SAP30BP: variants seen among roughly 807,000 people sequenced by gnomAD.
The protein encoded by SAP30BP is SAP30-binding protein.
In SAP30BP, 31 loss-of-function variants were observed where a neutral mutation model predicts 46.3. The ratio of observed to expected loss-of-function variants is 0.67; its 90% CI spans 0.50 to 0.90. The LOEUF (loss-of-function observed/expected upper bound fraction) is 0.90. Among genes scored for constraint, SAP30BP ranks in the 40% least tolerant of loss-of-function variants. SAP30BP has a pLI of 0.00. For synonymous variants in SAP30BP, 169 were observed against 144.2 expected (o/e 1.17, Z -1.23); for missense variants, 312 against 391.0 (o/e 0.80, Z 1.70).
At chr17:75,687,330 G>A (rs751607446) in intron 3 of SAP30BP, among the ~76,000 whole-genome samples, 25 of 152,160 alleles carry the variant, frequency 1.6e-4, no homozygotes, top group Non-Finnish European at 2.9e-4. Flanking sequence ...GAAAGAGGAT[G>A]CAGGGCCAGA....
At chr17:75,668,348 CAGAG>C (rs937770871) in intron 1 of SAP30BP, among the ~76,000 whole-genome samples, 164 bp from the exon 2 acceptor site, 2 of 152,184 alleles carry the variant, frequency 1.3e-5, no homozygotes, top group African/African-American at 4.8e-5. Flanking sequence ...CTGGCCTTCT[CAGAG>C]AGCCGAATCT....
intron 4 of SAP30BP, among the ~76,000 whole-genome samples, chr17:75,699,042 A>G (rs1342798151): frequency 6.6e-6 from 1 of 152,128 alleles, no homozygotes; most frequent in East Asian, 1.9e-4. Context: ...AACTTTTAAG[A>G]TTAGTCAGGC....
At chr17:75,676,019 T>C (rs1280877087) in intron 3 of SAP30BP, among the ~76,000 whole-genome samples, 1 of 152,272 alleles carries the variant, frequency 6.6e-6, no homozygotes, top group Non-Finnish European at 1.5e-5. Context: ...GTCACCACTT[T>C]ACAAATCTCT....
At chr17:75,678,616 G>A (rs1240195586) in intron 3 of SAP30BP, among the ~76,000 whole-genome samples, 3 of 152,140 alleles carry the variant, frequency 2.0e-5, no homozygotes, top group Admixed American at 1.3e-4. Context: ...ATCACTTCCA[G>A]TTCCACCTGT....
intron 4 of SAP30BP, among the ~76,000 whole-genome samples, 164 bp from the exon 5 acceptor site, chr17:75,699,619 A>G (rs2060376341): frequency 6.6e-6 from 1 of 151,944 alleles, no homozygotes; most frequent in Non-Finnish European, 1.5e-5. Context: ...ATTCAGTCTC[A>G]GCTCAGATGA....
At chr17:75,701,651 G>C (rs1447749184) in intron 5 of SAP30BP, among the ~76,000 whole-genome samples, 1 of 152,170 alleles carries the variant, frequency 6.6e-6, no homozygotes, top group Non-Finnish European at 1.5e-5. Flanking sequence ...ATTCTAAAAA[G>C]TTTGCAAGAC....
intron 4 of SAP30BP, among the ~76,000 whole-genome samples, chr17:75,698,380 G>A (rs1290414765): frequency 6.6e-6 from 1 of 152,206 alleles, no homozygotes; most frequent in Non-Finnish European, 1.5e-5. Context: ...TTTACTTTGG[G>A]ACCCAAAACT....
intron 2 of SAP30BP, among the ~76,000 whole-genome samples, chr17:75,668,939 G>T (rs1599083535): frequency 6.6e-6 from 1 of 152,044 alleles, no homozygotes; most frequent in Non-Finnish European, 1.5e-5. Context: ...TTTATAGCAG[G>T]CATTCATCCT....
At chr17:75,692,389 G>A in intron 3 of SAP30BP, 1 of 985,466 alleles carries the variant, frequency 1.0e-6, no homozygotes, top group South Asian at 4.7e-5. Context: ...CTCATCAGCA[G>A]GAAAAGACAT....
chr17:75,704,752 A>G lies in SAP30BP; in HGVS notation c.602-4A>G, dbSNP rs778902039. On this transcript the variant is annotated splice_region_variant and splice_polypyrimidine_tract_variant and intron_variant, in intron 8 of 10. Coordinates refer to ENST00000584667, the MANE Select transcript of SAP30BP (RefSeq NM_013260.8). ...CTTTGTAACAGCTTCTCTTGTCTTC[A>G]TAGCCAAGGCCCAGAAAATTGAGAT... 2.2e-5 allele frequency: 36 copies of G among 1,613,136 alleles called. No individual in the cohort carries two copies. In the Admixed American group the frequency reaches 4.7e-4, roughly 21 times the overall value.
intron 3 of SAP30BP, among the ~76,000 whole-genome samples, chr17:75,687,925 T>TGTGG (rs2060182876): frequency 1.1e-5 from 1 of 92,988 alleles, no homozygotes. Flanking sequence ...GGGGTGTGTG[T>TGTGG]GTGTGTGTGT....
intron 3 of SAP30BP, among the ~76,000 whole-genome samples, chr17:75,680,341 TTAAAATTC>T (rs1303024521): frequency 6.6e-6 from 1 of 152,200 alleles, no homozygotes; most frequent in Non-Finnish European, 1.5e-5. Context: ...GAAGACATTT[TTAAAATTC>T]TAAGATCCCT....
chr17:75,698,184 C>A (rs998416692), intron 4 of SAP30BP, among the ~76,000 whole-genome samples: 1 of 152,232 alleles, frequency 6.6e-6, no homozygotes, highest in African/African-American at 2.4e-5. Context: ...CTGGAGAGAG[C>A]AAGGCCTGCC....
chr17:75,668,609 A>G lies in SAP30BP; in HGVS notation c.200A>G (p.Glu67Gly). ...GATGGTTATGAAGAAGAAGAAGATGAGAACAGTAGACAGTCGGTAGGTAAA... is the reference window on the plus strand; with the variant it reads ...GATGGTTATGAAGAAGAAGAAGATGGGAACAGTAGACAGTCGGTAGGTAAA... ...DEDGYEEEED[E>G]NSRQSEDDDS... The change falls in exon 2 of 11, where the codon GAG becomes GGG. Residue 67 changes from glutamate to glycine, a missense_variant. Physicochemically the swap from Glu to Gly is moderately conservative, Grantham distance 98 (BLOSUM62 -2). Coordinates refer to ENST00000584667, the MANE Select transcript of SAP30BP (RefSeq NM_013260.8). The G allele has an allele frequency of 6.3e-7, 1 of 1,596,230 alleles. No individual in the cohort carries two copies. Among genetic ancestry groups the G allele is most frequent in the African/African-American group, 1.4e-5 (1 of 73,992 alleles).
intron 2 of SAP30BP, among the ~76,000 whole-genome samples, chr17:75,670,828 A>G (rs1003547343): frequency 3.3e-5 from 5 of 152,208 alleles, no homozygotes; most frequent in African/African-American, 1.2e-4. Context: ...TGGTATTTAT[A>G]TTAATATATG....
rs192193724 is a variant in SAP30BP, at chr17:75,671,638, G to C, written c.217-178G>C. On this transcript the variant is annotated intron_variant, in intron 2 of 10. Coordinates refer to ENST00000584667, the MANE Select transcript of SAP30BP (RefSeq NM_013260.8). Reference sequence around the variant, plus strand: ...TTGTTTTTTGTTTTTTTCCCCTCCAGAATATCTCTTTTTCCCCTTATTTTT... The same window carrying C: ...TTGTTTTTTGTTTTTTTCCCCTCCACAATATCTCTTTTTCCCCTTATTTTT... 5.7e-4 allele frequency among the ~76,000 whole-genome samples: 86 copies of C among 151,974 alleles called. No individual in the cohort carries two copies. The highest frequency in any genetic ancestry group is 1.1e-3 in the Non-Finnish European group (76 of 67,956).
At chr17:75,667,765 C>T (rs560464707) in intron 1 of SAP30BP, among the ~76,000 whole-genome samples, 1 of 152,222 alleles carries the variant, frequency 6.6e-6, no homozygotes, top group African/African-American at 2.4e-5. Flanking sequence ...CAGCCACTGC[C>T]TGTTTCCCCT....
At chr17:75,684,968 A>G (rs764614717) in intron 3 of SAP30BP, among the ~76,000 whole-genome samples, 10 of 152,298 alleles carry the variant, frequency 6.6e-5, no homozygotes, top group Admixed American at 2.6e-4. Flanking sequence ...GCAAAGGGGA[A>G]CAATGACCAT....
intron 5 of SAP30BP, among the ~76,000 whole-genome samples, chr17:75,700,583 G>A (rs2060393506): frequency 6.6e-6 from 1 of 152,180 alleles, no homozygotes; most frequent in African/African-American, 2.4e-5. Flanking sequence ...CCGTGACACC[G>A]CCCTAACGGA....
Sources: allele counts gnomAD v4.1 joint callset (sites outside exome capture counted in the v4.1 genomes callset), GRCh38; gene constraint gnomAD v4.1.1; transcripts MANE v1.5; gene names NCBI Gene and HGNC (gene_info 2026-07-23, HGNC 2026-07-21).